CPT1C: variants seen among roughly 807,000 people sequenced by gnomAD.
CPT1C encodes the protein palmitoyl thioesterase CPT1C.
CPT1C carries 61 observed loss-of-function variants against 97.3 expected under a neutral mutation model. That is an observed-to-expected ratio of 0.63 (90% CI 0.51 to 0.78). CPT1C has a LOEUF of 0.78. Among genes scored for constraint, CPT1C ranks in the 30% least tolerant of loss-of-function variants. The pLI, the probability that CPT1C is intolerant of heterozygous loss-of-function variation, is 0.00. For missense variants in CPT1C, 975 were observed against 1,065.5 expected (o/e 0.92, Z 1.18); for synonymous variants, 469 against 447.2 (o/e 1.05, Z -0.61).
intron 3 of CPT1C, 31 bp downstream of exon 3, chr19:49,692,424 G>A (rs111386017): frequency 1.2e-6 from 2 of 1,610,174 alleles, no homozygotes; most frequent in Non-Finnish European, 1.7e-6. Context: ...GTTTCCTTCC[G>A]GGGATCCAGG....
intron 17 of CPT1C, 98 bp from the exon 18 acceptor site, chr19:49,712,638 C>T (rs1415641449): frequency 9.2e-6 from 8 of 869,364 alleles, no homozygotes; most frequent in South Asian, 1.4e-5. Context: ...CCCGGATTTA[C>T]GGGTAAAAAA....
rs1228442288 is a variant in CPT1C, at chr19:49,692,379, C to G, written c.127C>G (p.Leu43Val). The G allele has an allele frequency of 8.7e-6, 14 of 1,614,166 alleles. No homozygotes were observed. In the South Asian group the frequency reaches 1.4e-4, roughly 16 times the overall value. ...TGGCCTGCGCTCCTGGAAAAGGCATCTCTCACGTTTCTGGGTGAGGAGCGG... is the reference window on the plus strand; with the variant it reads ...TGGCCTGCGCTCCTGGAAAAGGCATGTCTCACGTTTCTGGGTGAGGAGCGG... ...LSGLRSWKRHLSRFWNDFLTG... is the reference protein window; with the variant it reads ...LSGLRSWKRHVSRFWNDFLTG... The change falls in exon 3 of 20, where the codon CTC becomes GTC. Residue 43 changes from leucine (L) to valine (V), a missense_variant. Physicochemically the swap from Leu to Val is conservative, Grantham distance 32 (BLOSUM62 1). Coordinates refer to ENST00000598293, the MANE Select transcript of CPT1C (RefSeq NM_001199753.2).
intron 17 of CPT1C, 49 bp downstream of exon 17, chr19:49,712,010 G>A (rs116346946): frequency 0.023 from 36,906 of 1,589,044 alleles, 528 homozygotes; most frequent in South Asian, 0.042. Flanking sequence ...GACCATGGAA[G>A]AAGGGAGAGG....
At position 49,706,279 on chromosome 19, in the gene CPT1C, G is replaced by A. The variant is rs761772845; in HGVS notation, c.1209G>A (p.Glu403=). The change falls in exon 12 of 20, where the codon GAG becomes GAA. Residue 403 remains glutamate, a synonymous_variant. Coordinates refer to ENST00000598293, the MANE Select transcript of CPT1C (RefSeq NM_001199753.2). This position sits in a 1 kb window ranked among gnomAD's most constrained non-coding sequence, Gnocchi z 4.8. ...CATCCCTGAAGACCCAGGCAGCGGA[G>A]GCCCTGGAGGCGGTGGAAGGGGCCG... ...VRTSLKTQAA[E]ALEAVEGAAF... is the part of the protein sequence containing the mutation. 6.5e-6 allele frequency: 10 copies of A among 1,537,144 alleles called. No individual in the cohort carries two copies. In the South Asian group the frequency reaches 1.1e-4, roughly 17 times the overall value.
chr19:49,710,480 TC>T lies in CPT1C; in HGVS notation c.1729del (p.Arg577GlyfsTer8), dbSNP rs768226513. ...CAGATCGCCTTGCAACTGGCCCACTTCCGGGTCAGTTGGGTTCCCCATCCAC... is the reference window on the plus strand; with the variant it reads ...CAGATCGCCTTGCAACTGGCCCACTTCGGGTCAGTTGGGTTCCCCATCCAC... ...FIQIALQLAH[F>X]RDRGQFCLTY... On this transcript the variant is annotated frameshift_variant, in exon 15 of 20. Transcript: ENST00000598293. LOFTEE classifies it high-confidence loss of function. The T allele has an allele frequency of 5.0e-6, 8 of 1,614,150 alleles. No individual in the cohort carries two copies. Among genetic ancestry groups the T allele is most frequent in the Non-Finnish European group, 6.8e-6 (8 of 1,180,022 alleles).
chr19:49,695,741 G>A (rs1446511816), intron 3 of CPT1C, among the ~76,000 whole-genome samples: 4 of 151,536 alleles, frequency 2.6e-5, no homozygotes, highest in South Asian at 4.2e-4. Context: ...GTGCCACCAC[G>A]CCAAGCTAAT....
chr19:49,710,828 G>C lies in CPT1C; in HGVS notation c.1837G>C (p.Val613Leu), dbSNP rs140642411. ...RSCTREACNF[V>L]RAMEDKEKTD... ...TTGCACGAGGGAGGCCTGCAACTTT[G>C]TCAGGGCCATGGAGGACAAAGAGAA... Residue 613 changes from valine to leucine, a missense_variant, in exon 16 of 20, where the codon GTC (valine) becomes CTC (leucine). Transcript: ENST00000598293. 3 of 1,613,722 alleles carry C rather than the reference G, an allele frequency of 1.9e-6. No homozygotes were observed. Among genetic ancestry groups the C allele is most frequent in the Admixed American group, 1.7e-5 (1 of 59,994 alleles).
At chr19:49,692,206 T>C (rs2082393289) in intron 2 of CPT1C, 33 bp from the exon 3 acceptor site, 3 of 1,605,398 alleles carry the variant, frequency 1.9e-6, no homozygotes, top group Non-Finnish European at 2.5e-6. Flanking sequence ...GCGGAGGGGC[T>C]GGGGTCCTGA....
rs2083124557 is a variant in CPT1C, at chr19:49,701,968, A to ATT, written c.693+334_693+335insTT. 6.6e-5 allele frequency among the ~76,000 whole-genome samples: 6 copies of ATT among 91,436 alleles called. 1 individual carries two copies. Among genetic ancestry groups the ATT allele is most frequent in the South Asian group, 5.9e-4 (2 of 3,376 alleles). 60.0% of individuals were successfully genotyped at this position (91,436 alleles called of 152,430 possible). ...TTTATATATAAATATATTTATATATAAATTTATAAATAAATATATAAATAT... is the reference window on the plus strand; with the variant it reads ...TTTATATATAAATATATTTATATATATTAATTTATAAATAAATATATAAATAT... On this transcript the variant is annotated intron_variant, in intron 7 of 19. Transcript: ENST00000598293.
intron 2 of CPT1C, 63 bp from the exon 3 acceptor site, chr19:49,692,176 C>G (rs2082390509): frequency 6.4e-7 from 1 of 1,567,324 alleles, no homozygotes; most frequent in Non-Finnish European, 8.7e-7. Flanking sequence ...GGCTGGGGGC[C>G]TGGACTCCTG....
intron 17 of CPT1C, 42 bp downstream of exon 17, chr19:49,712,003 C>G (rs2083916024): frequency 1.9e-6 from 3 of 1,594,858 alleles, no homozygotes; most frequent in Non-Finnish European, 2.6e-6. Context: ...AGTGGGAGAC[C>G]ATGGAAGAAG....
intron 3 of CPT1C, among the ~76,000 whole-genome samples, chr19:49,695,278 ATT>A (rs947374904): frequency 1.1e-3 from 140 of 127,528 alleles, no homozygotes; most frequent in African/African-American, 3.9e-3. Context: ...AAAATGCACA[ATT>A]TTTTTTTTTT....
intron 13 of CPT1C, 131 bp from the exon 14 acceptor site, chr19:49,708,592 G>A (rs1447307130): frequency 5.4e-6 from 4 of 746,236 alleles, no homozygotes; most frequent in Non-Finnish European, 9.7e-6. Flanking sequence ...CCGCATCTGT[G>A]AATATCAGAG....
chr19:49,694,362 G>A (rs1246687819), intron 3 of CPT1C, among the ~76,000 whole-genome samples: 1 of 151,994 alleles, frequency 6.6e-6, no homozygotes, highest in Admixed American at 6.6e-5. Flanking sequence ...CAGGTGCGGT[G>A]GCTCACGCCT....
At chr19:49,705,482 T>A (rs2083448644) in intron 10 of CPT1C, among the ~76,000 whole-genome samples, 184 bp downstream of exon 10, 2 of 152,136 alleles carry the variant, frequency 1.3e-5, no homozygotes, top group African/African-American at 4.8e-5. Context: ...ACCTAGGGGC[T>A]GGGCGCAGTG....
intron 16 of CPT1C, 46 bp downstream of exon 16, chr19:49,710,903 A>G (rs1042465695): frequency 6.4e-7 from 1 of 1,567,942 alleles, no homozygotes; most frequent in Middle Eastern, 2.1e-4. Flanking sequence ...CTGTGTACTC[A>G]CTCATCCACT....
chr19:49,690,730 T>A (rs1228138531), upstream of CPT1C, among the ~76,000 whole-genome samples: 1 of 152,142 alleles, frequency 6.6e-6, no homozygotes, highest in Non-Finnish European at 1.5e-5. The surrounding 1 kb of genome is among the most constrained non-coding windows in gnomAD (Gnocchi z 4.4). Flanking sequence ...ACTCAATCCA[T>A]GCACCTTCCG....
Position 49,700,941 on chromosome 19 carries a change from TG to T in CPT1C, c.453+89del, listed in dbSNP as rs2082987479. The T allele has an allele frequency of 2.1e-6, 3 of 1,427,408 alleles. No individual in the cohort carries two copies. In the East Asian group the frequency reaches 6.9e-5, roughly 33 times the overall value. The allele number at this position is 1,427,408 out of a possible 1,614,324, so 88.4% of individuals were successfully genotyped here. On this transcript the variant is annotated intron_variant, in intron 5 of 19. Coordinates refer to ENST00000598293, the MANE Select transcript of CPT1C (RefSeq NM_001199753.2). The stretch of plus-strand genomic sequence containing the variant: ...CTCTGGGTCTCTGTCCCCCTCTCTC[TG>T]GGTCTCTGTCCCTCTCTCTCTGGGT...
intron 14 of CPT1C, 40 bp downstream of exon 14, chr19:49,708,879 A>G (rs762437294): frequency 7.5e-7 from 1 of 1,327,340 alleles, no homozygotes; most frequent in Non-Finnish European, 1.1e-6. Context: ...AAGTCCCAAG[A>G]TTCCTAGCCT....
Sources: allele counts gnomAD v4.1 joint callset (sites outside exome capture counted in the v4.1 genomes callset), GRCh38; gene constraint gnomAD v4.1.1; non-coding constraint Gnocchi (gnomAD v3.1); transcripts MANE v1.5; gene names NCBI Gene and HGNC (gene_info 2026-07-23, HGNC 2026-07-21).